FGF13: variants seen among roughly 807,000 people sequenced by gnomAD.
The protein encoded by FGF13 is fibroblast growth factor 13, also known as fibroblast growth factor homologous factor 2.
Under a neutral mutation model 19.5 loss-of-function variants are expected in FGF13, and 2 were observed. The ratio of observed to expected loss-of-function variants is 0.10; its 90% CI spans 0.04 to 0.32. The LOEUF is 0.32. Ranked by LOEUF, FGF13 falls within the 10% of genes least tolerant of loss-of-function variation. FGF13 has a pLI of 1.00. For synonymous variants in FGF13, 72 were observed against 76.9 expected, an observed-to-expected ratio of 0.94 and a Z score of 0.33; for missense variants, 113 against 192.7, an observed-to-expected ratio of 0.59 and a Z score of 2.45.
At chrX:139,181,519 T>C (rs2084237632) in intron 1 of FGF13, among the ~76,000 whole-genome samples, 1 of 112,641 alleles carries the variant, frequency 8.9e-6, no homozygotes, top group African/African-American at 3.2e-5. Context: ...TGAGGGCGGT[T>C]GAGACTGACT....
intron 1 of FGF13, among the ~76,000 whole-genome samples, chrX:138,738,170 G>C (rs774360280): frequency 1.8e-5 from 2 of 111,904 alleles, no homozygotes; most frequent in African/African-American, 6.5e-5. Context: ...ATTAATCCCA[G>C]TTAATTACAT....
At chrX:138,708,277 T>C (rs992019450) in intron 2 of FGF13, among the ~76,000 whole-genome samples, 1 of 112,313 alleles carries the variant, frequency 8.9e-6, no homozygotes, top group African/African-American at 3.2e-5. Flanking sequence ...TCCAATTTGG[T>C]CTGAAACCAT....
chrX:138,768,322 C>T (rs915035495), intron 3 of FGF13, among the ~76,000 whole-genome samples: 3 of 111,780 alleles, frequency 2.7e-5, no homozygotes, highest in Non-Finnish European at 5.6e-5. Context: ...GTCAGATAGT[C>T]CAAGTATGTC....
chrX:139,201,098 T>A (rs373839021), intron 1 of FGF13, among the ~76,000 whole-genome samples: 22 of 112,021 alleles, frequency 2.0e-4, no homozygotes, highest in African/African-American at 5.8e-4. Context: ...TTTAATAGTT[T>A]CAAACAGAAT....
In FGF13 at chrX:138,629,927, G is replaced by A. The variant is rs765132338; in HGVS notation, c.*2923C>T. 9.0e-6 allele frequency: 1 copy of A among 111,199 alleles called. No homozygotes were observed. Among genetic ancestry groups the A allele is most frequent in the East Asian group, 2.8e-4 (1 of 3,512 alleles). The allele number at this position is 111,199 out of a possible 1,213,427, so 9.2% of individuals were successfully genotyped here. A position where few individuals can be genotyped will look rare whatever the true frequency, so the allele number is the denominator to read the frequency against. ...TTTGAAGTGTTTCCCACAACTATTT[G>A]ACTAGAGTCTTTTTTTCTTTCATCA... On this transcript the variant is annotated 3_prime_UTR_variant, in exon 5 of 5. Transcript: ENST00000315930.
intron 1 of FGF13, among the ~76,000 whole-genome samples, chrX:138,973,233 AT>A (rs1392946682): frequency 8.9e-6 from 1 of 111,820 alleles, no homozygotes; most frequent in African/African-American, 3.3e-5. Flanking sequence ...CTCAAGAAAT[AT>A]TTAAATTTCT....
At chrX:139,026,342 C>G (rs2092200904) in intron 1 of FGF13, among the ~76,000 whole-genome samples, 1 of 111,270 alleles carries the variant, frequency 9.0e-6, no homozygotes, top group Non-Finnish European at 1.9e-5. Context: ...CAACTTATTT[C>G]TAAAATATTA....
upstream of FGF13, among the ~76,000 whole-genome samples, chrX:138,713,881 CTCCTGTCTACCA>C (rs2090077408): frequency 9.0e-6 from 1 of 111,488 alleles, no homozygotes; most frequent in Admixed American, 9.5e-5. Flanking sequence ...TTGTTTCTAA[CTCCTGTCTACCA>C]TCCACATAAG....
chrX:138,694,183 A>C (rs1287810181), intron 3 of FGF13, among the ~76,000 whole-genome samples: 1 of 111,516 alleles, frequency 9.0e-6, no homozygotes, highest in Admixed American at 9.6e-5. Flanking sequence ...ACAAATCAGC[A>C]AAAGTGTAAC....
intron 1 of FGF13, among the ~76,000 whole-genome samples, chrX:138,926,396 T>G (rs1474025510): frequency 8.9e-6 from 1 of 112,034 alleles, no homozygotes; most frequent in African/African-American, 3.2e-5. Flanking sequence ...AAGTAAATTA[T>G]GTAGCATAAT....
chrX:139,152,033 G>T (rs2083937983), intron 1 of FGF13, among the ~76,000 whole-genome samples: 1 of 111,305 alleles, frequency 9.0e-6, no homozygotes, highest in African/African-American at 3.3e-5. Flanking sequence ...AAAGCCTTGA[G>T]AAACATTAAG....
At chrX:139,196,102 G>C (rs1398061208) in intron 1 of FGF13, among the ~76,000 whole-genome samples, 2 of 111,758 alleles carry the variant, frequency 1.8e-5, no homozygotes, top group South Asian at 3.7e-4. Flanking sequence ...AGGGTTGAGA[G>C]ACAAAGAGAA....
rs138159552 is a variant in FGF13 at position 139,144,473 on chromosome X, A to G, written c.-113+58943T>C. ...TTCCTCAAGCCATATCACTTTCTCC[A>G]GAAGACCCCCCTGACATGCACTGCA... is the stretch of plus-strand genomic sequence containing the variant. On this transcript the variant is annotated intron_variant, in intron 1 of 2. Transcript: ENST00000421460. Among the ~76,000 whole-genome samples, 54 of 111,508 alleles carry G rather than the reference A, an allele frequency of 4.8e-4. No homozygotes were observed. The East Asian group carries it at 0.013, about 26-fold the overall frequency.
intron 1 of FGF13, among the ~76,000 whole-genome samples, chrX:138,893,094 G>T (rs2091485753): frequency 9.0e-6 from 1 of 111,448 alleles, no homozygotes; most frequent in African/African-American, 3.3e-5. Context: ...GAAGCACAGG[G>T]ATTAGAAGAG....
intron 3 of FGF13, among the ~76,000 whole-genome samples, chrX:138,676,938 C>T (rs915226200): frequency 8.9e-6 from 1 of 112,302 alleles, no homozygotes; most frequent in Non-Finnish European, 1.9e-5. Flanking sequence ...CTTATGGACA[C>T]AGTCACTATT....
At position 139,097,009 on chromosome X, in the gene FGF13, T is replaced by A. The variant is rs1211904182; in HGVS notation, c.-113+106407A>T. 5.4e-5 allele frequency among the ~76,000 whole-genome samples: 6 copies of A among 111,369 alleles called. No individual in the cohort carries two copies. The East Asian group carries it at 1.7e-3, about 31-fold the overall frequency. ...CTATTCTCACCTTGTCACCCCAAAA[T>A]AGACAATAACATGAGAAAGGAAAAA... is the stretch of plus-strand genomic sequence containing the variant. On this transcript the variant is annotated intron_variant, in intron 1 of 2. Transcript: ENST00000421460.
chrX:138,998,002 C>T (rs2092051543), intron 1 of FGF13, among the ~76,000 whole-genome samples: 1 of 111,935 alleles, frequency 8.9e-6, no homozygotes, highest in East Asian at 2.8e-4. Context: ...AGAAACCCTA[C>T]AAGCCAGAAG....
Position 139,018,090 on chromosome X carries a change from G to A in FGF13, c.-112-153440C>T, listed in dbSNP as rs2092161812. Reference sequence around the variant, plus strand: ...TTTCTTTCAGCTTCCTTTTAATGTGGATTGGCTCAGTGGAAGGTGAAAGGC... The same window carrying A: ...TTTCTTTCAGCTTCCTTTTAATGTGAATTGGCTCAGTGGAAGGTGAAAGGC... On this transcript the variant is annotated intron_variant, in intron 1 of 2. Transcript: ENST00000421460. Among the ~76,000 whole-genome samples the A allele has an allele frequency of 6.3e-5, 7 of 111,595 alleles. No individual in the cohort carries two copies. The South Asian group carries it at 2.6e-3, about 42-fold the overall frequency.
chrX:138,629,568 C>CT lies in FGF13; in HGVS notation c.*3281dup, dbSNP rs1392918360. 2 of 111,815 alleles carry CT rather than the reference C, an allele frequency of 1.8e-5. No individual in the cohort carries two copies. Among genetic ancestry groups the CT allele is most frequent in the Non-Finnish European group, 3.8e-5 (2 of 53,306 alleles). The allele number at this position is 111,815 out of a possible 1,213,427, so 9.2% of individuals were successfully genotyped here. ...CTCCTGCTGCCACGTGGAAAAGGTC[C>CT]TTGCTTCCCCTTCATCTTCTGCCAT... On this transcript the variant is annotated 3_prime_UTR_variant, in exon 5 of 5. Transcript: ENST00000315930.
Sources: allele counts gnomAD v4.1 joint callset (sites outside exome capture counted in the v4.1 genomes callset), GRCh38; gene constraint gnomAD v4.1.1; transcripts MANE v1.5; gene names NCBI Gene and HGNC (gene_info 2026-07-23, HGNC 2026-07-21).